ELL: variants seen among roughly 807,000 people sequenced by gnomAD.
ELL encodes RNA polymerase II elongation factor ELL.
In ELL, 18 loss-of-function variants were observed where a neutral mutation model predicts 64.0. The ratio of observed to expected loss-of-function variants is 0.28; its 90% CI spans 0.19 to 0.42. ELL has a LOEUF of 0.42. ELL is among the 10% of genes least tolerant of loss of function. ELL has a pLI of 1.00. For synonymous variants in ELL, 399 were observed against 376.2 expected, an observed-to-expected ratio of 1.06 and a Z score of -0.70; for missense variants, 797 against 870.4, an observed-to-expected ratio of 0.92 and a Z score of 1.06.
In ELL at chr19:18,444,207, G is replaced by C. The variant is rs537226592; in HGVS notation, c.*545C>G. ...AGGGGTGCCTAAACGTAGAGCCAGA[G>C]ACCAGCAGAGGCCACCTGCCCATTC... On this transcript the variant is annotated 3_prime_UTR_variant, in exon 12 of 12. Coordinates refer to ENST00000262809, the MANE Select transcript of ELL (RefSeq NM_006532.4). 2 of 232,228 alleles carry C rather than the reference G, an allele frequency of 8.6e-6. No individual in the cohort carries two copies. The highest frequency in any genetic ancestry group is 4.4e-5 in the African/African-American group (2 of 45,372). 14.4% of individuals were successfully genotyped at this position (232,228 alleles called of 1,614,324 possible).
chr19:18,469,728 C>T (rs763879689), intron 2 of ELL, among the ~76,000 whole-genome samples: 3 of 152,258 alleles, frequency 2.0e-5, no homozygotes, highest in African/African-American at 4.8e-5. Context: ...CCCAAAGGCC[C>T]GCTCTGCCCT....
intron 1 of ELL, among the ~76,000 whole-genome samples, chr19:18,511,096 T>C (rs891617036): frequency 6.6e-6 from 1 of 151,696 alleles, no homozygotes; most frequent in South Asian, 2.1e-4. Context: ...TGAAACCCCA[T>C]CTCTACTAAA....
intron 1 of ELL, among the ~76,000 whole-genome samples, chr19:18,500,805 G>A (rs1020900244): frequency 5.9e-5 from 9 of 152,158 alleles, no homozygotes; most frequent in African/African-American, 9.7e-5. Context: ...CACTGCTTTA[G>A]CTTTTTAATA....
At chr19:18,497,691 C>T (rs1180554768) in intron 1 of ELL, among the ~76,000 whole-genome samples, 1 of 151,776 alleles carries the variant, frequency 6.6e-6, no homozygotes, top group Non-Finnish European at 1.5e-5. Context: ...GTGGCATACA[C>T]CTGTGGTCCC....
At chr19:18,491,867 T>C (rs902624915) in intron 1 of ELL, among the ~76,000 whole-genome samples, 2 of 152,178 alleles carry the variant, frequency 1.3e-5, no homozygotes, top group Non-Finnish European at 2.9e-5. Flanking sequence ...CAGTACAGCC[T>C]GGGTGAAAGT....
intron 2 of ELL, among the ~76,000 whole-genome samples, chr19:18,469,622 G>A (rs1034694965): frequency 2.6e-5 from 4 of 152,184 alleles, no homozygotes; most frequent in African/African-American, 9.7e-5. Flanking sequence ...CAGGTTATAG[G>A]GTGTGGGGAG....
At chr19:18,513,486 C>T (rs1242356264) in intron 1 of ELL, among the ~76,000 whole-genome samples, 5 of 152,080 alleles carry the variant, frequency 3.3e-5, no homozygotes, top group East Asian at 1.9e-4. Context: ...TACACCCAGG[C>T]GAGACAGAGG....
chr19:18,462,334 GCTGTGTGTGTGTGTGT>G (rs1974841319), intron 4 of ELL, among the ~76,000 whole-genome samples: 1 of 90,516 alleles, frequency 1.1e-5, no homozygotes, highest in Non-Finnish European at 2.0e-5. Context: ...ACTCTAGTGG[GCTGTGTGTGTGTGTGT>G]GTGTGTGTGT....
Position 18,445,248 on chromosome 19 carries a change from C to T in ELL, c.1725G>A (p.Leu575=). The T allele has an allele frequency of 1.2e-6, 2 of 1,612,660 alleles. No individual in the cohort carries two copies. The highest frequency in any genetic ancestry group is 1.7e-6 in the Non-Finnish European group (2 of 1,179,180). ...EEYETTRGQI[L]QEYRKIKKTN... is the part of the protein sequence containing the mutation. ...CCTTTTTGATTTTTCGATATTCCTG[C>T]AAAATCTGCCCTCGAGTAGTCTAGA... Residue 575 remains leucine, a synonymous_variant, in exon 11 of 12, where the codon TTG becomes TTA. Transcript: ENST00000262809.
chr19:18,458,169 G>T (rs1427474896), intron 6 of ELL, 36 bp downstream of exon 6: 1 of 1,602,132 alleles, frequency 6.2e-7, no homozygotes, highest in Middle Eastern at 1.8e-4. Flanking sequence ...CCTTCATGCG[G>T]GTGGGGACAT....
intron 1 of ELL, among the ~76,000 whole-genome samples, chr19:18,495,782 C>T (rs918191919): frequency 6.6e-6 from 1 of 152,206 alleles, no homozygotes; most frequent in Non-Finnish European, 1.5e-5. Flanking sequence ...GCAGGTCCCA[C>T]GCGCCTCAGC....
At chr19:18,514,657 G>A (rs1297480255) in intron 1 of ELL, among the ~76,000 whole-genome samples, 2 of 152,186 alleles carry the variant, frequency 1.3e-5, no homozygotes, top group Non-Finnish European at 2.9e-5. Context: ...GACTACACAG[G>A]TGAGATTGAA....
intron 1 of ELL, among the ~76,000 whole-genome samples, chr19:18,488,770 G>A (rs979281299): frequency 6.6e-6 from 1 of 152,202 alleles, no homozygotes; most frequent in Non-Finnish European, 1.5e-5. Context: ...GGGAAGCCAG[G>A]TGCCTTGCTT....
In ELL at chr19:18,521,939, C is replaced by T; in HGVS notation, c.117G>A (p.Glu39=). 1 of 1,604,552 alleles carries T rather than the reference C, an allele frequency of 6.2e-7. No individual in the cohort carries two copies. The highest frequency in any genetic ancestry group is 2.3e-5 in the East Asian group (1 of 44,236). The change falls in exon 1 of 12, where the codon GAG becomes GAA. Residue 39 remains glutamate (E), a synonymous_variant. Coordinates refer to ENST00000262809, the MANE Select transcript of ELL (RefSeq NM_006532.4). ...CACTCACCTGTCTGGCGCGGTAGCT[C>T]TCGAAGGCCCTCAGGGCACTGTCGG... ...KLTDSALRAF[E]SYRARQDSVS...
intron 6 of ELL, among the ~76,000 whole-genome samples, chr19:18,452,576 G>A (rs1226162525): frequency 6.6e-6 from 1 of 152,242 alleles, no homozygotes; most frequent in Non-Finnish European, 1.5e-5. Context: ...AGGATCCAGA[G>A]AATCCAGGGC....
rs1411180740 is a variant in ELL at position 18,501,969 on chromosome 19, G to A, written c.135+19952C>T. On this transcript the variant is annotated intron_variant, in intron 1 of 11. Coordinates refer to ENST00000262809, the MANE Select transcript of ELL (RefSeq NM_006532.4). The surrounding 1 kb of genome is among the most constrained non-coding windows in gnomAD (Gnocchi z 4.5). ...TGGCGGGCAGGTCCTGGGGCCTCAT[G>A]AGGGTGGTTTGGGGTCAGAAGACAC... is the stretch of plus-strand genomic sequence containing the variant. Among the ~76,000 whole-genome samples, 4 of 152,166 alleles carry A rather than the reference G, an allele frequency of 2.6e-5. No homozygotes were observed. The highest frequency in any genetic ancestry group is 4.8e-5 in the African/African-American group (2 of 41,434).
chr19:18,444,259 C>T lies in ELL; in HGVS notation c.*493G>A. 1 of 233,558 alleles carries T rather than the reference C, an allele frequency of 4.3e-6. No homozygotes were observed. The allele number at this position is 233,558 out of a possible 1,614,324, so 14.5% of individuals were successfully genotyped here. On this transcript the variant is annotated 3_prime_UTR_variant, in exon 12 of 12. Transcript: ENST00000262809. ...CCACGCCCTCAGAACGCAGCTGCAC[C>T]TTTCGACGACCTCTGTAATACTGCA...
intron 1 of ELL, among the ~76,000 whole-genome samples, chr19:18,495,032 T>C (rs1975618151): frequency 6.6e-6 from 1 of 152,168 alleles, no homozygotes; most frequent in Non-Finnish European, 1.5e-5. Flanking sequence ...GGCTATAACA[T>C]GTTAGGCCCT....
At chr19:18,471,106 C>T (rs78855479) in intron 2 of ELL, 60,270 of 413,564 alleles carry the variant, frequency 0.15, 4,790 homozygotes, top group South Asian at 0.21. Context: ...GGTGCAGTGG[C>T]TCACACCTGT....
Sources: gnomAD v4.1 joint callset for allele counts (sites outside exome capture counted in the v4.1 genomes callset) on GRCh38, gnomAD v4.1.1 for gene constraint, Gnocchi (gnomAD v3.1) non-coding constraint, MANE v1.5 for transcripts, NCBI Gene and HGNC (gene_info 2026-07-23, HGNC 2026-07-21) for gene names.